BCAR3: variants seen among roughly 807,000 people sequenced by gnomAD.
The protein encoded by BCAR3 is breast cancer anti-estrogen resistance protein 3.
A neutral mutation model predicts 80.1 loss-of-function variants in BCAR3; 37 were observed. The observed-to-expected ratio is 0.46, with a 90% CI of 0.36 to 0.61. BCAR3 has a LOEUF of 0.61. Among genes scored for constraint, BCAR3 ranks in the 20% least tolerant of loss-of-function variants. BCAR3 has a pLI of 0.00. For synonymous variants in BCAR3, 389 were observed against 418.9 expected (o/e 0.93, Z 0.87); for missense variants, 978 against 1,068.2 (o/e 0.92, Z 1.18).
At chr1:93,776,088 C>G (rs1652535295) in intron 2 of BCAR3, among the ~76,000 whole-genome samples, 1 of 152,146 alleles carries the variant, frequency 6.6e-6, no homozygotes, top group African/African-American at 2.4e-5. Context: ...AAAAGAGAAA[C>G]TCAATTTCCT....
chr1:93,833,340 G>A (rs1220785423), intron 2 of BCAR3, among the ~76,000 whole-genome samples: 1 of 152,110 alleles, frequency 6.6e-6, no homozygotes, highest in Non-Finnish European at 1.5e-5. Context: ...GGCAAAATTA[G>A]AATCACTAAT....
intron 2 of BCAR3, among the ~76,000 whole-genome samples, chr1:93,644,343 T>A (rs1265649200): frequency 6.6e-6 from 1 of 152,228 alleles, no homozygotes; most frequent in African/African-American, 2.4e-5. Flanking sequence ...CAATCTTTTA[T>A]CTTAACCTGA....
chr1:93,775,593 G>A (rs1257598551), intron 2 of BCAR3: 1 of 152,144 alleles, frequency 6.6e-6, no homozygotes, highest in African/African-American at 2.4e-5. Context: ...AAGGTGCATG[G>A]CAGCATTATC....
intron 2 of BCAR3, among the ~76,000 whole-genome samples, chr1:93,760,089 G>C (rs1441081085): frequency 6.6e-6 from 1 of 152,132 alleles, no homozygotes; most frequent in Non-Finnish European, 1.5e-5. Context: ...TAAAAAAGCA[G>C]GTGTTCCAGG....
At chr1:93,804,647 C>T (rs1440151517) in intron 2 of BCAR3, among the ~76,000 whole-genome samples, 2 of 152,172 alleles carry the variant, frequency 1.3e-5, no homozygotes, top group Non-Finnish European at 2.9e-5. Flanking sequence ...CTACTCAGAA[C>T]AGGATGCAAT....
At chr1:93,566,576 A>T (rs1375423732) in intron 11 of BCAR3, among the ~76,000 whole-genome samples, 1 of 152,116 alleles carries the variant, frequency 6.6e-6, no homozygotes, top group East Asian at 1.9e-4. Context: ...ACTTTCCAGG[A>T]TGTGTCTGAT....
chr1:93,681,230 G>A lies in BCAR3; in HGVS notation c.-12+368C>T, dbSNP rs1423951188. The A allele has an allele frequency of 3.3e-5, 5 of 152,210 alleles. No individual in the cohort carries two copies. In the South Asian group the frequency reaches 1.0e-3, roughly 32 times the overall value. The allele number at this position is 152,210 out of a possible 1,614,324, so 9.4% of individuals were successfully genotyped here. On this transcript the variant is annotated intron_variant, in intron 1 of 11. Transcript: ENST00000260502. ...GCGGGACAGGGCGGGGTGGCCGGCA[G>A]AGCAGCTCCGACGGGCAGGGGGTCG...
intron 3 of BCAR3, among the ~76,000 whole-genome samples, chr1:93,632,967 C>T: frequency 6.6e-6 from 1 of 151,646 alleles, no homozygotes; most frequent in East Asian, 1.9e-4. Flanking sequence ...TGCAGTGAGC[C>T]GAGATTGCAT....
chr1:93,673,542 A>T (rs1648321394), intron 2 of BCAR3, among the ~76,000 whole-genome samples: 1 of 152,256 alleles, frequency 6.6e-6, no homozygotes, highest in African/African-American at 2.4e-5. Flanking sequence ...GAGAGATAAC[A>T]AAAGAAACAG....
intron 2 of BCAR3, among the ~76,000 whole-genome samples, chr1:93,815,756 A>G (rs1444413866): frequency 2.6e-5 from 4 of 152,230 alleles, no homozygotes; most frequent in Non-Finnish European, 5.9e-5. Flanking sequence ...CTATACACCA[A>G]CAGACACACG....
At position 93,833,549 on chromosome 1, in the gene BCAR3, C is replaced by T. The variant is rs576364685; in HGVS notation, c.-63+12018G>A. Among the ~76,000 whole-genome samples the T allele has an allele frequency of 7.2e-5, 11 of 152,264 alleles. No homozygotes were observed. In the South Asian group the frequency reaches 1.0e-3, roughly 14 times the overall value. On this transcript the variant is annotated intron_variant, in intron 2 of 13. Coordinates refer to the BCAR3 transcript ENST00000370244. Reference sequence around the variant, plus strand: ...CTGCATAAGACAGACACTCCCAGAGCGGTCATTTTAGAAGCCTCCCCTGGG... The same window carrying T: ...CTGCATAAGACAGACACTCCCAGAGTGGTCATTTTAGAAGCCTCCCCTGGG...
intron 2 of BCAR3, among the ~76,000 whole-genome samples, chr1:93,725,146 C>G (rs1007680361): frequency 6.6e-6 from 1 of 152,230 alleles, no homozygotes; most frequent in Admixed American, 6.5e-5. Context: ...ATGTCCCACT[C>G]ATGTGTAAGC....
chr1:93,804,398 T>TA (rs1653592360), intron 2 of BCAR3, among the ~76,000 whole-genome samples: 1 of 152,128 alleles, frequency 6.6e-6, no homozygotes, highest in East Asian at 1.9e-4. Flanking sequence ...TAACTAACAG[T>TA]AAAATAGAAC....
intron 1 of BCAR3, among the ~76,000 whole-genome samples, chr1:93,678,350 G>A (rs533284720): frequency 6.6e-6 from 1 of 152,296 alleles, no homozygotes; most frequent in South Asian, 2.1e-4. Context: ...ATACATTCAT[G>A]GAGGGTCTCC....
intron 2 of BCAR3, among the ~76,000 whole-genome samples, chr1:93,659,247 T>C (rs548558776): frequency 2.0e-5 from 3 of 152,288 alleles, no homozygotes; most frequent in East Asian, 1.9e-4. Context: ...TGGTGCAACA[T>C]TGGTTCACTG....
intron 3 of BCAR3, among the ~76,000 whole-genome samples, chr1:93,633,880 C>T (rs540275217): frequency 7.9e-5 from 12 of 152,320 alleles, no homozygotes; most frequent in African/African-American, 2.9e-4. Context: ...CCTTGTGATC[C>T]GCCTGCCTCG....
intron 3 of BCAR3, among the ~76,000 whole-genome samples, chr1:93,595,347 G>A (rs1674379570): frequency 6.6e-6 from 1 of 152,154 alleles, no homozygotes; most frequent in African/African-American, 2.4e-5. Flanking sequence ...GGAAAGGAGG[G>A]AGAGAGGGAG....
intron 2 of BCAR3, among the ~76,000 whole-genome samples, chr1:93,734,837 G>A (rs1650920484): frequency 6.6e-6 from 1 of 152,108 alleles, no homozygotes; most frequent in African/African-American, 2.4e-5. Flanking sequence ...CTTTCTGTGC[G>A]AAACGCTTTC....
chr1:93,783,522 G>A (rs992277528), intron 2 of BCAR3, among the ~76,000 whole-genome samples: 5 of 151,748 alleles, frequency 3.3e-5, no homozygotes, highest in African/African-American at 1.2e-4. Flanking sequence ...TATAGAAAGA[G>A]CACAAACATT....
Sources: gnomAD v4.1 joint callset for allele counts (sites outside exome capture counted in the v4.1 genomes callset) on GRCh38, gnomAD v4.1.1 for gene constraint, MANE v1.5 for transcripts, NCBI Gene and HGNC (gene_info 2026-07-23, HGNC 2026-07-21) for gene names.